GBP7: variants seen among roughly 807,000 people sequenced by gnomAD.
GBP7 encodes the protein guanylate-binding protein 7.
GBP7 carries 43 observed loss-of-function variants against 61.3 expected under a neutral mutation model. The observed-to-expected ratio is 0.70, with a 90% CI of 0.55 to 0.91. The LOEUF (loss-of-function observed/expected upper bound fraction) is 0.91, where lower values mean the gene tolerates loss of function less well. Ranked by LOEUF, GBP7 falls within the 40% of genes least tolerant of loss-of-function variation. The pLI is 0.00. For missense variants in GBP7, 717 were observed against 740.5 expected (o/e 0.97, Z 0.37); for synonymous variants, 267 against 271.0 (o/e 0.99, Z 0.14).
intron 5 of GBP7, among the ~76,000 whole-genome samples, 186 bp from the exon 6 acceptor site, chr1:89,150,761 T>C (rs1209529474): frequency 6.6e-6 from 1 of 152,186 alleles, no homozygotes; most frequent in African/African-American, 2.4e-5. Flanking sequence ...AGTCAATTTC[T>C]GCACAAAGCA....
chr1:89,162,991 A>G (rs113916033), intron 3 of GBP7, among the ~76,000 whole-genome samples: 4,501 of 152,302 alleles, frequency 0.03, 88 homozygotes, highest in Middle Eastern at 0.075. Context: ...AATTTTATTG[A>G]AAACATTTTC....
At chr1:89,169,497 GT>G (rs1647539806) in intron 2 of GBP7, among the ~76,000 whole-genome samples, 1 of 152,134 alleles carries the variant, frequency 6.6e-6, no homozygotes, top group Non-Finnish European at 1.5e-5. Flanking sequence ...GAAAACTATA[GT>G]TCATCTGTCA....
intron 3 of GBP7, among the ~76,000 whole-genome samples, 197 bp downstream of exon 3, chr1:89,164,531 AAAT>A (rs1192339241): frequency 6.6e-6 from 1 of 152,230 alleles, no homozygotes; most frequent in Non-Finnish European, 1.5e-5. Context: ...CAACTGTTAA[AAAT>A]AAGAAGATGT....
chr1:89,141,679 C>T, intron 8 of GBP7, 31 bp from the exon 9 acceptor site: 4 of 1,555,324 alleles, frequency 2.6e-6, no homozygotes, highest in Non-Finnish European at 3.5e-6. Flanking sequence ...AAAGACCTGT[C>T]AGGCAGCAGA....
chr1:89,171,521 T>A (rs868028930), intron 2 of GBP7, among the ~76,000 whole-genome samples: 2 of 151,974 alleles, frequency 1.3e-5, no homozygotes, highest in African/African-American at 4.8e-5. Flanking sequence ...TTAATTTTTT[T>A]ATTAATACCT....
At chr1:89,171,519 TTTA>T (rs1647599119) in intron 2 of GBP7, among the ~76,000 whole-genome samples, 1 of 151,898 alleles carries the variant, frequency 6.6e-6, no homozygotes, top group African/African-American at 2.4e-5. Flanking sequence ...ATTTAATTTT[TTTA>T]TTAATACCTT....
At chr1:89,160,951 A>G (rs1647248127) in intron 3 of GBP7, among the ~76,000 whole-genome samples, 1 of 151,894 alleles carries the variant, frequency 6.6e-6, no homozygotes, top group South Asian at 2.1e-4. Flanking sequence ...CCACCCTCAG[A>G]TAGGCTCCAA....
chr1:89,164,624 C>T, intron 3 of GBP7, 107 bp downstream of exon 3: 2 of 1,109,214 alleles, frequency 1.8e-6, no homozygotes, highest in Non-Finnish European at 2.6e-6. Flanking sequence ...TTCCCATAAT[C>T]AGATTTGTGA....
intron 4 of GBP7, 48 bp from the exon 5 acceptor site, chr1:89,152,512 C>T (rs1393521799): frequency 5.1e-6 from 8 of 1,576,094 alleles, no homozygotes; most frequent in Middle Eastern, 3.4e-4. Flanking sequence ...ATCATTTCCA[C>T]ATCTCACTTA....
rs560922399 is a variant in GBP7 at position 89,155,033 on chromosome 1, C to T, written c.319-2256G>A. On this transcript the variant is annotated intron_variant, in intron 3 of 10. Coordinates refer to ENST00000294671, the MANE Select transcript of GBP7 (RefSeq NM_207398.3). ...AGGAAGGATCAGGCAGCAACATTTG[C>T]CATTCTGCAATACTTGCTGTTCTGC... is the stretch of plus-strand genomic sequence containing the variant. Among the ~76,000 whole-genome samples, 7 of 152,306 alleles carry T rather than the reference C, an allele frequency of 4.6e-5. No individual in the cohort carries two copies. In the East Asian group the frequency reaches 9.7e-4, roughly 21 times the overall value.
At position 89,152,278 on chromosome 1, in the gene GBP7, C is replaced by G; in HGVS notation, c.615G>C (p.Lys205Asn). ...GCCATGCTCTGATACCTGAAATCAG[C>G]TTCAAGGCATTCTCCAGGTACTCAT... Reference protein sequence around the residue: ...TEDEYLENALKLISGKNPQIQ... With the variant: ...TEDEYLENALNLISGKNPQIQ... Residue 205 changes from lysine to asparagine, a missense_variant, in exon 5 of 11, where the codon AAG (lysine) becomes AAC (asparagine). This residue lies in a region of GBP7 where 387 missense variants were observed against 385.2 expected (regional missense o/e 1.00). Coordinates refer to ENST00000294671, the MANE Select transcript of GBP7 (RefSeq NM_207398.3). 1 of 1,613,908 alleles carries G rather than the reference C, an allele frequency of 6.2e-7. No homozygotes were observed. Among genetic ancestry groups the G allele is most frequent in the Non-Finnish European group, 8.5e-7 (1 of 1,179,834 alleles).
At chr1:89,174,945 A>G (rs1647700752) in intron 1 of GBP7, among the ~76,000 whole-genome samples, 1 of 152,236 alleles carries the variant, frequency 6.6e-6, no homozygotes, top group African/African-American at 2.4e-5. Flanking sequence ...AGAGAGTAGC[A>G]TATGCACAAT....
rs200801681 is a variant in GBP7 at position 89,137,819 on chromosome 1, GA to G, written c.1468+3726del. Reference sequence around the variant, plus strand: ...CTAGCCAGAGAAATCAGGCAAAGGGGAAAAAAAAAGTTATCCAATAGGAAGA... The same window carrying G: ...CTAGCCAGAGAAATCAGGCAAAGGGGAAAAAAAAGTTATCCAATAGGAAGA... On this transcript the variant is annotated intron_variant, in intron 9 of 10. Transcript: ENST00000294671. 7.7e-3 allele frequency among the ~76,000 whole-genome samples: 1,153 copies of G among 150,510 alleles called. 6 individuals are homozygous for G. The highest frequency in any genetic ancestry group is 0.012 in the Non-Finnish European group (810 of 67,428).
At chr1:89,173,293 T>C (rs1346872335) in intron 1 of GBP7, among the ~76,000 whole-genome samples, 1 of 152,220 alleles carries the variant, frequency 6.6e-6, no homozygotes, top group Non-Finnish European at 1.5e-5. Context: ...TATGTATGTA[T>C]ACTAGGACAC....
chr1:89,165,728 T>C (rs1647407205), intron 2 of GBP7, among the ~76,000 whole-genome samples: 1 of 136,590 alleles, frequency 7.3e-6, no homozygotes, highest in African/African-American at 2.8e-5. Flanking sequence ...TGGGGACACA[T>C]GGACACAGGG....
intron 7 of GBP7, among the ~76,000 whole-genome samples, chr1:89,148,770 C>A (rs1000473738): frequency 1.3e-4 from 20 of 152,078 alleles, no homozygotes; most frequent in African/African-American, 4.8e-4. Flanking sequence ...TTCTGACTTA[C>A]GGAGCTGTGA....
At chr1:89,143,149 T>G (rs1681991873) in intron 8 of GBP7, among the ~76,000 whole-genome samples, 1 of 152,334 alleles carries the variant, frequency 6.6e-6, no homozygotes, top group African/African-American at 2.4e-5. Flanking sequence ...TCATTAGCAA[T>G]GTGTGAGAAT....
At chr1:89,156,526 A>G (rs1314133768) in intron 3 of GBP7, among the ~76,000 whole-genome samples, 8 of 152,310 alleles carry the variant, frequency 5.3e-5, no homozygotes. Flanking sequence ...AAGCAAATGG[A>G]AAACAAACAA....
At chr1:89,156,105 G>A (rs890534795) in intron 3 of GBP7, among the ~76,000 whole-genome samples, 1 of 152,162 alleles carries the variant, frequency 6.6e-6, no homozygotes, top group African/African-American at 2.4e-5. Flanking sequence ...GCCAAACTAA[G>A]CTTCATAAGT....
Sources: gnomAD v4.1 joint callset for allele counts (sites outside exome capture counted in the v4.1 genomes callset) on GRCh38, gnomAD v4.1.1 for gene constraint, gnomAD v4.1.1 regional missense constraint, MANE v1.5 for transcripts, NCBI Gene and HGNC (gene_info 2026-07-23, HGNC 2026-07-21) for gene names.